The following CTNNA1 variants were observed in gnomAD, a reference collection of about 807,000 sequenced individuals.
CTNNA1 encodes catenin alpha-1.
In CTNNA1, 37 loss-of-function variants were observed where a neutral mutation model predicts 98.4. The ratio of observed to expected loss-of-function variants is 0.38; its 90% CI spans 0.29 to 0.49. The LOEUF is 0.49. Among genes scored for constraint, CTNNA1 ranks in the 20% least tolerant of loss-of-function variants. CTNNA1 has a pLI of 0.95. For missense variants in CTNNA1, 761 were observed against 1,147.2 expected (o/e 0.66, Z 4.86); for synonymous variants, 404 against 413.2 (o/e 0.98, Z 0.27).
At chr5:138,930,026 C>T (rs900479606) in intron 14 of CTNNA1, among the ~76,000 whole-genome samples, 1 of 152,172 alleles carries the variant, frequency 6.6e-6, no homozygotes, top group African/African-American at 2.4e-5. Flanking sequence ...GCCTGAGTGC[C>T]AGCGGTATCT....
chr5:138,884,711 T>C (rs1753649340), intron 7 of CTNNA1, among the ~76,000 whole-genome samples: 1 of 152,152 alleles, frequency 6.6e-6, no homozygotes, highest in Admixed American at 6.5e-5. Context: ...GAGGAGAGTA[T>C]AATGAGGCAC....
At chr5:138,835,917 C>T (rs1003694289) in intron 7 of CTNNA1, among the ~76,000 whole-genome samples, 1 of 152,210 alleles carries the variant, frequency 6.6e-6, no homozygotes, top group African/African-American at 2.4e-5. Flanking sequence ...ACGATCACAG[C>T]TCACTGCAAC....
chr5:138,764,174 G>C (rs1308020330), intron 1 of CTNNA1, among the ~76,000 whole-genome samples: 1 of 151,382 alleles, frequency 6.6e-6, no homozygotes, highest in Non-Finnish European at 1.5e-5. Context: ...GACAGAGCGA[G>C]AATCTGTCTC....
intron 1 of CTNNA1, among the ~76,000 whole-genome samples, chr5:138,775,852 A>G (rs548678334): frequency 1.4e-5 from 2 of 147,890 alleles, no homozygotes; most frequent in South Asian, 4.2e-4. Context: ...CCTTCTAAGT[A>G]GCTGGGACTA....
intron 9 of CTNNA1, among the ~76,000 whole-genome samples, chr5:138,890,752 CCA>C (rs1041521775): frequency 6.6e-6 from 1 of 152,124 alleles, no homozygotes; most frequent in Non-Finnish European, 1.5e-5. Context: ...CCTGAAAGCC[CCA>C]GTCCTCTAAT....
chr5:138,764,770 C>T (rs944698378), intron 1 of CTNNA1, among the ~76,000 whole-genome samples: 1 of 151,580 alleles, frequency 6.6e-6, no homozygotes, highest in African/African-American at 2.4e-5. Context: ...TGTACCTGGC[C>T]AGATGACATT....
At chr5:138,890,150 G>A (rs1755037281) in intron 9 of CTNNA1, among the ~76,000 whole-genome samples, 2 of 152,196 alleles carry the variant, frequency 1.3e-5, no homozygotes, top group African/African-American at 4.8e-5. Flanking sequence ...GGAAGTGAGA[G>A]TGCTATATGA....
chr5:138,886,234 A>G lies in CTNNA1; in HGVS notation c.1085A>G (p.Asp362Gly), dbSNP rs1581474079. ...CAGGCTGGACGTAAAGAAAGAAGTG[A>G]TGCACTCAATTCTGCAATAGATAAA... Reference protein sequence around the residue: ...MGNAGRKERSDALNSAIDKMT... With the variant: ...MGNAGRKERSGALNSAIDKMT... The change falls in exon 8 of 18, where the codon GAT (aspartate) becomes GGT (glycine). Residue 362 changes from aspartate to glycine, a missense_variant. Physicochemically the swap from Asp to Gly is moderately conservative, Grantham distance 94 (BLOSUM62 -1). Transcript: ENST00000302763. The G allele has an allele frequency of 6.2e-7, 1 of 1,611,326 alleles. No individual in the cohort carries two copies. Among genetic ancestry groups the G allele is most frequent in the Non-Finnish European group, 8.5e-7 (1 of 1,178,724 alleles).
In CTNNA1 at chr5:138,931,629, T is replaced by G. The variant is rs559244759; in HGVS notation, c.2298+694T>G. 1.0e-5 allele frequency: 10 copies of G among 985,452 alleles called. No individual in the cohort carries two copies. In the African/African-American group the frequency reaches 1.2e-4, roughly 12 times the overall value. 61.0% of individuals were successfully genotyped at this position (985,452 alleles called of 1,614,324 possible). A position where few individuals can be genotyped will look rare whatever the true frequency, so the allele number is the denominator to read the frequency against. On this transcript the variant is annotated intron_variant, in intron 16 of 17. Transcript: ENST00000302763. ...AAATGTATCTTGACACAAACCAGTC[T>G]TGTCCTTTCTGCAGATCTCCATAGC...
chr5:138,817,657 C>T (rs940479817), intron 5 of CTNNA1, among the ~76,000 whole-genome samples: 4 of 152,048 alleles, frequency 2.6e-5, no homozygotes, highest in African/African-American at 9.7e-5. Flanking sequence ...AGCTACCTAT[C>T]TTCAAGTTCT....
intron 10 of CTNNA1, among the ~76,000 whole-genome samples, chr5:138,912,568 G>A (rs1177218631): frequency 6.6e-6 from 1 of 152,100 alleles, no homozygotes; most frequent in Non-Finnish European, 1.5e-5. Flanking sequence ...ATACTTAATG[G>A]TAAAAACTGA....
intron 3 of CTNNA1, among the ~76,000 whole-genome samples, chr5:138,785,951 G>A (rs142042143): frequency 2.9e-3 from 442 of 152,230 alleles, no homozygotes; most frequent in Non-Finnish European, 4.9e-3. Context: ...GACTTTATAT[G>A]TTTCTTATTT....
At chr5:138,825,371 G>A (rs959994827) in intron 6 of CTNNA1, among the ~76,000 whole-genome samples, 5 of 151,848 alleles carry the variant, frequency 3.3e-5, no homozygotes, top group Non-Finnish European at 7.4e-5. Flanking sequence ...TAAATGATGC[G>A]CTAGGTCTGT....
rs779734367 is a variant in CTNNA1 at position 138,810,160 on chromosome 5, G to A, written c.424G>A (p.Ala142Thr). ...LSAVTRLLIL[A>T]DMADVYKLLV... ...TGCTGTTACCCGGTTGCTGATTTTG[G>A]CTGACATGGCAGATGTCTACAAATT... The change falls in exon 4 of 18, where the codon GCT (alanine) becomes ACT (threonine). Residue 142 changes from alanine (A) to threonine (T), a missense_variant. By Grantham distance (58) the Ala-to-Thr change is moderately conservative. Coordinates refer to ENST00000302763, the MANE Select transcript of CTNNA1 (RefSeq NM_001903.5). 1 of 1,614,176 alleles carries A rather than the reference G, an allele frequency of 6.2e-7. No homozygotes were observed. The highest frequency in any genetic ancestry group is 1.1e-5 in the South Asian group (1 of 91,086).
At chr5:138,792,409 A>G (rs1198423199) in intron 3 of CTNNA1, among the ~76,000 whole-genome samples, 1 of 152,178 alleles carries the variant, frequency 6.6e-6, no homozygotes, top group African/African-American at 2.4e-5. Flanking sequence ...ACAGCTTCAG[A>G]CTGATGTACC....
At chr5:138,858,646 A>AGT (rs1432491466) in intron 7 of CTNNA1, among the ~76,000 whole-genome samples, 2 of 125,326 alleles carry the variant, frequency 1.6e-5, no homozygotes, top group Non-Finnish European at 3.1e-5. Context: ...CCCAGGCTGG[A>AGT]GTGCAGTGGC....
At chr5:138,897,680 T>C (rs371293832) in intron 9 of CTNNA1, among the ~76,000 whole-genome samples, 1 of 152,214 alleles carries the variant, frequency 6.6e-6, no homozygotes, top group Admixed American at 6.5e-5. Flanking sequence ...CTAAGCATAC[T>C]AGCTTGATTT....
intron 7 of CTNNA1, among the ~76,000 whole-genome samples, chr5:138,837,461 T>G (rs1215957903): frequency 1.5e-5 from 2 of 133,800 alleles, no homozygotes; most frequent in Non-Finnish European, 3.2e-5. Context: ...CTGTTCCTCC[T>G]CCTCCCCCTC....
Position 138,827,678 on chromosome 5 carries a change from G to T in CTNNA1, c.1022G>T (p.Arg341Leu). The T allele has an allele frequency of 6.2e-7, 1 of 1,614,176 alleles. No homozygotes were observed. Among genetic ancestry groups the T allele is most frequent in the Non-Finnish European group, 8.5e-7 (1 of 1,180,028 alleles). Residue 341 changes from arginine to leucine, a missense_variant, in exon 7 of 18, where the codon CGC becomes CTC. By Grantham distance (102) the Arg-to-Leu change is moderately radical. This residue lies in a region of CTNNA1 where 287 missense variants were observed against 436.0 expected (regional missense o/e 0.66). Coordinates refer to ENST00000302763, the MANE Select transcript of CTNNA1 (RefSeq NM_001903.5). The stretch of plus-strand genomic sequence containing the variant: ...ATTGTGGCAGAGTGTAATGCTGTCC[G>T]CCAGGCCCTGCAGGACCTGCTTTCG... ...ERIVAECNAV[R>L]QALQDLLSEY...
Sources: gnomAD v4.1 joint callset for allele counts (sites outside exome capture counted in the v4.1 genomes callset) on GRCh38, gnomAD v4.1.1 for gene constraint, gnomAD v4.1.1 regional missense constraint, MANE v1.5 for transcripts, NCBI Gene and HGNC (gene_info 2026-07-23, HGNC 2026-07-21) for gene names.